SLC39A11: variants seen among roughly 807,000 people sequenced by gnomAD.
SLC39A11 encodes zinc transporter ZIP11.
Under a neutral mutation model 36.1 loss-of-function variants are expected in SLC39A11, and 33 were observed. The observed-to-expected ratio is 0.91, with a 90% confidence interval of 0.69 to 1.22. The LOEUF (loss-of-function observed/expected upper bound fraction) is 1.22, where lower values mean the gene tolerates loss of function less well. Among genes scored for constraint, SLC39A11 ranks in the 50% most tolerant of loss-of-function variants. The pLI, the probability that SLC39A11 is intolerant of heterozygous loss-of-function variation, is 0.00. For missense variants in SLC39A11, 432 were observed against 430.3 expected (o/e 1.00, Z -0.03); for synonymous variants, 166 against 170.3 (o/e 0.97, Z 0.20).
intron 4 of SLC39A11, among the ~76,000 whole-genome samples, chr17:72,963,950 T>A (rs928448122): frequency 6.6e-6 from 1 of 152,210 alleles, no homozygotes; most frequent in Admixed American, 6.5e-5. Context: ...ATTATATTCA[T>A]CCTTATACCA....
chr17:72,986,345 T>A (rs2088754408), intron 4 of SLC39A11, among the ~76,000 whole-genome samples: 1 of 152,090 alleles, frequency 6.6e-6, no homozygotes, highest in African/African-American at 2.4e-5. Flanking sequence ...CTGGACAAAC[T>A]GGTGGTTGCC....
chr17:72,685,289 C>T (rs1258627017), intron 7 of SLC39A11, among the ~76,000 whole-genome samples: 1 of 52,082 alleles, frequency 1.9e-5, no homozygotes, highest in East Asian at 4.0e-4. Context: ...CAGGGGAGGA[C>T]CTCGTTTAGG....
chr17:72,975,900 G>A (rs936351864), intron 4 of SLC39A11, among the ~76,000 whole-genome samples: 2 of 152,142 alleles, frequency 1.3e-5, no homozygotes, highest in African/African-American at 4.8e-5. Flanking sequence ...GCCAGGCGTG[G>A]TGGCTCACAC....
intron 5 of SLC39A11, among the ~76,000 whole-genome samples, chr17:72,888,200 C>A (rs1458485452): frequency 6.6e-6 from 1 of 152,138 alleles, no homozygotes; most frequent in Non-Finnish European, 1.5e-5. Context: ...CAAAATGAAA[C>A]CCTGAGTCTA....
chr17:72,678,478 G>A (rs2071370018), intron 7 of SLC39A11, among the ~76,000 whole-genome samples: 1 of 152,056 alleles, frequency 6.6e-6, no homozygotes, highest in Non-Finnish European at 1.5e-5. Flanking sequence ...AGGCCGAGGC[G>A]GGCAGATCAC....
intron 6 of SLC39A11, among the ~76,000 whole-genome samples, chr17:72,830,433 A>G (rs1276125804): frequency 6.6e-6 from 1 of 152,160 alleles, no homozygotes. Flanking sequence ...TGTGTCTTGG[A>G]TAACACATCA....
intron 7 of SLC39A11, among the ~76,000 whole-genome samples, chr17:72,652,902 C>T (rs1054341105): frequency 2.6e-5 from 4 of 152,092 alleles, no homozygotes; most frequent in Admixed American, 2.0e-4. Context: ...TGTACAGAAA[C>T]TCCCGGGAGA....
intron 4 of SLC39A11, among the ~76,000 whole-genome samples, chr17:72,957,490 T>C (rs1386271559): frequency 2.0e-5 from 3 of 152,222 alleles, no homozygotes; most frequent in African/African-American, 7.2e-5. Context: ...GACACAAGGA[T>C]ACATTCTTAG....
At chr17:72,882,142 C>T (rs2146563373) in intron 5 of SLC39A11, among the ~76,000 whole-genome samples, 1 of 152,274 alleles carries the variant, frequency 6.6e-6, no homozygotes, top group African/African-American at 2.4e-5. Context: ...CACCAGAGGT[C>T]AAGAGTTCAA....
intron 7 of SLC39A11, among the ~76,000 whole-genome samples, chr17:72,731,902 TTTTCAGTAGAGGTGGGG>T (rs1567999167): frequency 6.6e-6 from 1 of 151,842 alleles, no homozygotes; most frequent in Non-Finnish European, 1.5e-5. Context: ...GTTTTTTGTA[TTTTCAGTAGAGGTGGGG>T]TTTCACCATG....
chr17:73,085,488 A>C (rs911245538), intron 2 of SLC39A11, among the ~76,000 whole-genome samples: 5 of 152,116 alleles, frequency 3.3e-5, no homozygotes, highest in African/African-American at 1.2e-4. Flanking sequence ...TCTACTAAAA[A>C]TACAAAAATT....
chr17:72,937,588 A>G (rs573493882), intron 5 of SLC39A11, among the ~76,000 whole-genome samples: 1 of 152,372 alleles, frequency 6.6e-6, no homozygotes, highest in South Asian at 2.1e-4. Context: ...TAAGGCCAGC[A>G]CAGTGGTGGG....
intron 5 of SLC39A11, among the ~76,000 whole-genome samples, chr17:72,862,448 G>A (rs1567843900): frequency 6.6e-6 from 1 of 152,198 alleles, no homozygotes; most frequent in Non-Finnish European, 1.5e-5. Context: ...CCTGCTTGGT[G>A]AACCCTAAGA....
At chr17:72,738,979 A>C (rs1456958311) in intron 6 of SLC39A11, among the ~76,000 whole-genome samples, 1 of 152,158 alleles carries the variant, frequency 6.6e-6, no homozygotes, top group Non-Finnish European at 1.5e-5. Flanking sequence ...CCAGCTCAAC[A>C]AGAGTCCGCA....
chr17:73,067,214 T>C (rs942954395), intron 3 of SLC39A11, among the ~76,000 whole-genome samples: 4 of 152,244 alleles, frequency 2.6e-5, no homozygotes, highest in Non-Finnish European at 4.4e-5. Flanking sequence ...AGCTGCTGCA[T>C]AGCTAAAAGA....
At chr17:72,723,046 G>A (rs1164329014) in intron 7 of SLC39A11, among the ~76,000 whole-genome samples, 2 of 152,172 alleles carry the variant, frequency 1.3e-5, no homozygotes, top group African/African-American at 2.4e-5. Context: ...GGTGGCCGTC[G>A]TTTGTCAGTC....
In SLC39A11 at chr17:72,886,417, A is replaced by G. The variant is rs550318334; in HGVS notation, c.431-36613T>C. Among the ~76,000 whole-genome samples the G allele has an allele frequency of 9.9e-5, 15 of 152,216 alleles. No homozygotes were observed. The East Asian group carries it at 2.7e-3, about 27-fold the overall frequency. Reference sequence around the variant, plus strand: ...CCAGCCACTCCCTGTAAATCACTCAATCCCAAAGGCTAAGAATCCTCCTCC... The same window carrying G: ...CCAGCCACTCCCTGTAAATCACTCAGTCCCAAAGGCTAAGAATCCTCCTCC... On this transcript the variant is annotated intron_variant, in intron 5 of 9. Coordinates refer to ENST00000255559, the MANE Select transcript of SLC39A11 (RefSeq NM_139177.4).
chr17:72,805,793 G>A (rs879705793), intron 6 of SLC39A11, among the ~76,000 whole-genome samples: 7 of 150,582 alleles, frequency 4.6e-5, no homozygotes, highest in Non-Finnish European at 1.0e-4. Flanking sequence ...CTGTTACCCA[G>A]GCTGGAGTGT....
At chr17:72,917,931 T>C (rs1020136282) in intron 5 of SLC39A11, among the ~76,000 whole-genome samples, 7 of 152,162 alleles carry the variant, frequency 4.6e-5, no homozygotes, top group African/African-American at 1.7e-4. Context: ...GTGCTATAGG[T>C]GGCCAAGGAA....
Sources: gnomAD v4.1 joint callset for allele counts (sites outside exome capture counted in the v4.1 genomes callset) on GRCh38, gnomAD v4.1.1 for gene constraint, MANE v1.5 for transcripts, NCBI Gene and HGNC (gene_info 2026-07-23, HGNC 2026-07-21) for gene names.